Variants in EXOC6 observed in about 807,000 individuals in gnomAD.
EXOC6 encodes the protein exocyst complex component 6.
Under a neutral mutation model 112.5 loss-of-function variants are expected in EXOC6, and 60 were observed. The observed-to-expected ratio is 0.53, with a 90% CI of 0.43 to 0.66. EXOC6 has a LOEUF of 0.66. Among genes scored for constraint, EXOC6 ranks in the 30% least tolerant of loss-of-function variants. The pLI is 0.00. For synonymous variants in EXOC6, 295 were observed against 308.0 expected (o/e 0.96, Z 0.44); for missense variants, 855 against 957.1 (o/e 0.89, Z 1.41).
intron 5 of EXOC6, among the ~76,000 whole-genome samples, chr10:92,905,757 C>G (rs963584472): frequency 5.9e-5 from 9 of 151,738 alleles, no homozygotes; most frequent in African/African-American, 2.2e-4. Flanking sequence ...GTTTTGTGGC[C>G]CAGAATGTGA....
At chr10:92,959,804 G>T (rs1198740373) in intron 17 of EXOC6, among the ~76,000 whole-genome samples, 1 of 152,188 alleles carries the variant, frequency 6.6e-6, no homozygotes, top group African/African-American at 2.4e-5. Flanking sequence ...TAAAACAACA[G>T]TGAGATACCA....
At chr10:92,833,223 GC>G (rs1242566708), upstream of EXOC6, among the ~76,000 whole-genome samples, 3 of 152,156 alleles carry the variant, frequency 2.0e-5, no homozygotes, top group African/African-American at 4.8e-5. Context: ...TTCAGTTGGG[GC>G]TTGGCTCATC....
chr10:93,047,431 G>A (rs764550462), intron 20 of EXOC6, among the ~76,000 whole-genome samples: 3 of 152,124 alleles, frequency 2.0e-5, no homozygotes, highest in Non-Finnish European at 4.4e-5. Flanking sequence ...AGCTACTCGG[G>A]AGGCTGAAGC....
At position 92,909,512 on chromosome 10, in the gene EXOC6, A is replaced by G. The variant is rs1264286085; in HGVS notation, c.544A>G (p.Ile182Val). 3 of 1,613,446 alleles carry G rather than the reference A, an allele frequency of 1.9e-6. No homozygotes were observed. Among genetic ancestry groups the G allele is most frequent in the African/African-American group, 2.7e-5 (2 of 74,926 alleles). Residue 182 changes from isoleucine to valine, a missense_variant, in exon 6 of 22, where the codon ATA becomes GTA. Ile to Val is a conservative substitution (Grantham distance 29). Around this residue, in one of 2 missense-constraint regions of EXOC6, gnomAD observed 405 missense variants for 393.6 expected, o/e 1.03. Transcript: ENST00000260762. ...VSQYRFCQLM[I>V]ENLPKLREDI... ...TCAATACCGGTTTTGTCAGCTCATG[A>G]TAGAAAATCTTCCCAAACTCCGTGA...
Position 92,962,398 on chromosome 10 carries a change from G to GT in EXOC6, c.1773+6693dup, listed in dbSNP as rs1007459837. 6.9e-4 allele frequency among the ~76,000 whole-genome samples: 103 copies of GT among 150,144 alleles called. 1 individual carries two copies. Among genetic ancestry groups the GT allele is most frequent in the African/African-American group, 2.2e-3 (92 of 40,958 alleles). On this transcript the variant is annotated intron_variant, in intron 17 of 21. Coordinates refer to ENST00000260762, the MANE Select transcript of EXOC6 (RefSeq NM_019053.6). ...AATGTTAAAAATATATATATATATG[G>GT]TTTTTTTTTGAGACAGGGTCCCACT...
At chr10:93,014,319 C>A in intron 20 of EXOC6, 52 bp downstream of exon 20, 1 of 1,417,480 alleles carries the variant, frequency 7.1e-7, no homozygotes, top group Non-Finnish European at 9.9e-7. Context: ...TCTTGCCCTC[C>A]CCTCACTTTT....
At chr10:93,001,416 C>T (rs1843749559) in intron 19 of EXOC6, among the ~76,000 whole-genome samples, 1 of 152,180 alleles carries the variant, frequency 6.6e-6, no homozygotes, top group Admixed American at 6.5e-5. Context: ...ATACATCACT[C>T]TATCAATCTC....
chr10:93,046,253 C>A (rs1645749676), intron 20 of EXOC6, among the ~76,000 whole-genome samples: 1 of 152,176 alleles, frequency 6.6e-6, no homozygotes, highest in Non-Finnish European at 1.5e-5. Flanking sequence ...AAAGGCACTT[C>A]AACTGTTGAG....
upstream of EXOC6, among the ~76,000 whole-genome samples, chr10:92,833,054 C>T (rs890208093): frequency 3.3e-5 from 5 of 152,202 alleles, no homozygotes; most frequent in African/African-American, 1.2e-4. Context: ...ATTGGTGCTG[C>T]ATTTGTTCCA....
intron 20 of EXOC6, among the ~76,000 whole-genome samples, chr10:93,043,125 C>T (rs548592155): frequency 4.5e-4 from 69 of 151,972 alleles, no homozygotes; most frequent in African/African-American, 1.5e-3. Flanking sequence ...TTAGTAGAGA[C>T]GGGGTTTCAC....
At chr10:92,845,988 A>G (rs1398880312), upstream of EXOC6, among the ~76,000 whole-genome samples, 2 of 152,244 alleles carry the variant, frequency 1.3e-5, no homozygotes, top group East Asian at 3.8e-4. Context: ...GTTATTTAGG[A>G]CATTTAGCTT....
At chr10:92,869,337 C>G (rs989993894) in intron 1 of EXOC6, among the ~76,000 whole-genome samples, 3 of 151,418 alleles carry the variant, frequency 2.0e-5, no homozygotes, top group Non-Finnish European at 4.4e-5. Context: ...GAGACAGGGT[C>G]GCACTCTGTT....
chr10:92,900,581 A>C (rs764572031), intron 5 of EXOC6: 3 of 151,878 alleles, frequency 2.0e-5, no homozygotes, highest in Non-Finnish European at 4.4e-5. Flanking sequence ...GTATGTATTA[A>C]TAATATATTC....
chr10:92,976,305 G>A (rs1335302105), intron 18 of EXOC6, among the ~76,000 whole-genome samples: 1 of 152,304 alleles, frequency 6.6e-6, no homozygotes, highest in East Asian at 1.9e-4. Context: ...AGACATGAGA[G>A]ACTTTTCACT....
At chr10:93,020,612 C>T (rs112373297) in intron 20 of EXOC6, among the ~76,000 whole-genome samples, 2,833 of 152,144 alleles carry the variant, frequency 0.019, 81 homozygotes, top group African/African-American at 0.065. Context: ...TAAAATAAGA[C>T]ACAGCTGTTT....
At chr10:92,990,577 G>A (rs966845379) in intron 18 of EXOC6, among the ~76,000 whole-genome samples, 10 of 152,172 alleles carry the variant, frequency 6.6e-5, no homozygotes, top group South Asian at 4.1e-4. Context: ...ACAGAAGAAA[G>A]CAAAGCCACG....
At chr10:92,850,672 T>A (rs976401854) in intron 1 of EXOC6, among the ~76,000 whole-genome samples, 1 of 152,218 alleles carries the variant, frequency 6.6e-6, no homozygotes, top group Non-Finnish European at 1.5e-5. Flanking sequence ...TCTTGTTTGA[T>A]CTCTTCCCTT....
chr10:92,988,899 ATC>A (rs1220252587), intron 18 of EXOC6, among the ~76,000 whole-genome samples: 1 of 151,962 alleles, frequency 6.6e-6, no homozygotes, highest in Non-Finnish European at 1.5e-5. Flanking sequence ...TGTGTCTTGG[ATC>A]TATCTTGGAT....
chr10:93,057,056 T>C lies in EXOC6; in HGVS notation c.2282+20T>C. 1 of 1,313,542 alleles carries C rather than the reference T, an allele frequency of 7.6e-7. No individual in the cohort carries two copies. The highest frequency in any genetic ancestry group is 1.0e-6 in the Non-Finnish European group (1 of 952,394). 81.4% of individuals were successfully genotyped at this position (1,313,542 alleles called of 1,614,324 possible). A position where few individuals can be genotyped will look rare whatever the true frequency, so the allele number is the denominator to read the frequency against. Reference sequence around the variant, plus strand: ...GGAGAAGTGAGTATATTCTGAAACTTTTTTGTATAACATTTTAGCACCTTT... The same window carrying C: ...GGAGAAGTGAGTATATTCTGAAACTCTTTTGTATAACATTTTAGCACCTTT... On this transcript the variant is annotated intron_variant, in intron 21 of 21. Transcript: ENST00000260762.
Sources: allele counts gnomAD v4.1 joint callset (sites outside exome capture counted in the v4.1 genomes callset), GRCh38; gene constraint gnomAD v4.1.1; regional missense constraint gnomAD v4.1.1; transcripts MANE v1.5; gene names NCBI Gene and HGNC (gene_info 2026-07-23, HGNC 2026-07-21).